INVS: variants seen among roughly 807,000 people sequenced by gnomAD.
The protein encoded by INVS is inversin.
In INVS, 86 loss-of-function variants were observed where a neutral mutation model predicts 108.8. That is an observed-to-expected ratio of 0.79 (90% confidence interval 0.66 to 0.95). The LOEUF (loss-of-function observed/expected upper bound fraction) is 0.95. Ranked by LOEUF, INVS falls within the 40% of genes least tolerant of loss-of-function variation. INVS has a pLI of 0.00. For missense variants in INVS, 1,169 were observed against 1,297.4 expected, an observed-to-expected ratio of 0.90 and a Z score of 1.52; for synonymous variants, 455 against 473.5, an observed-to-expected ratio of 0.96 and a Z score of 0.51.
intron 3 of INVS, among the ~76,000 whole-genome samples, chr9:100,148,146 C>T (rs759319029): frequency 6.6e-6 from 1 of 151,848 alleles, no homozygotes; most frequent in Non-Finnish European, 1.5e-5. Flanking sequence ...TACCCTCTAG[C>T]CTGGACAACA....
intron 2 of INVS, among the ~76,000 whole-genome samples, chr9:100,106,532 A>G (rs1055587779): frequency 6.6e-6 from 1 of 152,198 alleles, no homozygotes; most frequent in African/African-American, 2.4e-5. Flanking sequence ...TGAATAAGAT[A>G]GAAGTATATT....
chr9:100,208,889 A>G (rs144945432), intron 3 of INVS, among the ~76,000 whole-genome samples: 2 of 152,326 alleles, frequency 1.3e-5, no homozygotes, highest in African/African-American at 4.8e-5. Flanking sequence ...GAGGAGAGCA[A>G]TGATGGTATC....
chr9:100,233,746 T>C (rs1013530413), intron 5 of INVS, among the ~76,000 whole-genome samples: 3 of 152,190 alleles, frequency 2.0e-5, no homozygotes, highest in Admixed American at 2.0e-4. Context: ...GATAAGCTTT[T>C]TGATGTGCTA....
intron 3 of INVS, among the ~76,000 whole-genome samples, chr9:100,132,908 C>T (rs542647906): frequency 9.9e-5 from 15 of 152,172 alleles, no homozygotes; most frequent in African/African-American, 3.6e-4. Flanking sequence ...AATTTGAGAC[C>T]AGCCTGGCCA....
chr9:100,243,337 C>T (rs2118509602), intron 7 of INVS, among the ~76,000 whole-genome samples: 1 of 152,258 alleles, frequency 6.6e-6, no homozygotes, highest in South Asian at 2.1e-4. Flanking sequence ...TATACCTTTT[C>T]TTCCAGGATT....
chr9:100,156,807 A>T (rs1243749134), intron 3 of INVS, among the ~76,000 whole-genome samples: 1 of 143,834 alleles, frequency 7.0e-6, no homozygotes, highest in Non-Finnish European at 1.5e-5. Context: ...GATAGTATTA[A>T]GATTTTTAAA....
At chr9:100,265,556 C>T (rs1014445966) in intron 11 of INVS, among the ~76,000 whole-genome samples, 1 of 152,158 alleles carries the variant, frequency 6.6e-6, no homozygotes, top group Non-Finnish European at 1.5e-5. Flanking sequence ...TTGACTGGGC[C>T]CAGGAGTACA....
intron 2 of INVS, among the ~76,000 whole-genome samples, chr9:100,119,651 G>A (rs903477826): frequency 1.3e-5 from 2 of 152,168 alleles, no homozygotes; most frequent in South Asian, 2.1e-4. Flanking sequence ...TCTGCCTCCC[G>A]GGTTCACGCC....
Position 100,302,006 on chromosome 9 carries a change from G to C in INVS, c.*1332G>C, listed in dbSNP as rs1833988590. 4.3e-6 allele frequency: 2 copies of C among 463,812 alleles called. No individual in the cohort carries two copies. Among genetic ancestry groups the C allele is most frequent in the South Asian group, 5.8e-5 (1 of 17,282 alleles). The allele number at this position is 463,812 out of a possible 1,614,324, so 28.7% of individuals were successfully genotyped here. A position where few individuals can be genotyped will look rare whatever the true frequency, so the allele number is the denominator to read the frequency against. On this transcript the variant is annotated 3_prime_UTR_variant, in exon 17 of 17. Coordinates refer to ENST00000262457, the MANE Select transcript of INVS (RefSeq NM_014425.5). ...TGACCATGTATCGTGTGCTAGTCCG[G>C]GAAGCCAGCCTACACATCAATAGGA... is the stretch of plus-strand genomic sequence containing the variant.
chr9:100,161,748 C>T (rs546109047), intron 3 of INVS, among the ~76,000 whole-genome samples: 14 of 152,172 alleles, frequency 9.2e-5, no homozygotes, highest in East Asian at 5.8e-4. Flanking sequence ...GGTCAGGCTT[C>T]GCTTAGGTTG....
intron 1 of INVS, among the ~76,000 whole-genome samples, chr9:100,100,720 ATG>A (rs1564111479): frequency 5.7e-5 from 2 of 34,850 alleles, no homozygotes; most frequent in Non-Finnish European, 1.0e-4. Flanking sequence ...TATATATTAT[ATG>A]TACATATAAT....
chr9:100,169,236 A>AT (rs35006998), intron 3 of INVS, among the ~76,000 whole-genome samples: 1 of 152,154 alleles, frequency 6.6e-6, no homozygotes, highest in East Asian at 1.9e-4. Flanking sequence ...GGAATGCCTA[A>AT]TTTTTTCTTC....
intron 3 of INVS, among the ~76,000 whole-genome samples, chr9:100,206,802 T>C (rs981109102): frequency 6.6e-5 from 10 of 152,220 alleles, no homozygotes; most frequent in Non-Finnish European, 1.3e-4. Context: ...TCTTCATTAA[T>C]CTGCAACAGT....
chr9:100,243,178 A>C (rs1831933353), intron 7 of INVS, among the ~76,000 whole-genome samples: 1 of 152,194 alleles, frequency 6.6e-6, no homozygotes, highest in Admixed American at 6.5e-5. Flanking sequence ...CTTAGTGTTC[A>C]GCCACGTGTA....
intron 1 of INVS, among the ~76,000 whole-genome samples, chr9:100,100,860 TAA>T (rs1564112012): frequency 8.4e-5 from 1 of 11,966 alleles, no homozygotes; most frequent in Non-Finnish European, 1.3e-4. Context: ...TATGTATATA[TAA>T]TATATATATT....
intron 5 of INVS, among the ~76,000 whole-genome samples, chr9:100,232,322 A>G (rs987632016): frequency 6.6e-6 from 1 of 152,010 alleles, no homozygotes; most frequent in African/African-American, 2.4e-5. Context: ...CGCTGATGAT[A>G]GTTTCTTTTG....
intron 10 of INVS, 39 bp from the exon 11 acceptor site, chr9:100,264,783 C>A (rs1480135843): frequency 3.0e-6 from 4 of 1,331,924 alleles, no homozygotes; most frequent in Admixed American, 1.7e-5. Context: ...TCCAAAAATA[C>A]TTACTCCAGA....
intron 5 of INVS, among the ~76,000 whole-genome samples, chr9:100,230,840 T>C (rs1831490113): frequency 6.6e-6 from 1 of 152,228 alleles, no homozygotes; most frequent in Non-Finnish European, 1.5e-5. Flanking sequence ...TCTATGTTGC[T>C]GCATGTAGCC....
chr9:100,205,786 A>C (rs1761476840), intron 3 of INVS, among the ~76,000 whole-genome samples: 2 of 152,036 alleles, frequency 1.3e-5, no homozygotes, highest in African/African-American at 2.4e-5. Flanking sequence ...TAAAGCATTT[A>C]TTTATTCAAA....
Sources: gnomAD v4.1 joint callset for allele counts (sites outside exome capture counted in the v4.1 genomes callset) on GRCh38, gnomAD v4.1.1 for gene constraint, MANE v1.5 for transcripts, NCBI Gene and HGNC (gene_info 2026-07-23, HGNC 2026-07-21) for gene names.